Variants in ADAM9 observed in about 807,000 individuals in gnomAD.
The protein encoded by ADAM9 is disintegrin and metalloproteinase domain-containing protein 9.
ADAM9 carries 54 observed loss-of-function variants against 108.1 expected under a neutral mutation model. The ratio of observed to expected loss-of-function variants is 0.50; its 90% CI spans 0.40 to 0.63. The LOEUF (loss-of-function observed/expected upper bound fraction) is 0.63. ADAM9 is among the 20% of genes least tolerant of loss of function. The pLI, the probability that ADAM9 is intolerant of heterozygous loss-of-function variation, is 0.00. For synonymous variants in ADAM9, 316 were observed against 336.0 expected, an observed-to-expected ratio of 0.94 and a Z score of 0.65; for missense variants, 830 against 997.7, an observed-to-expected ratio of 0.83 and a Z score of 2.26.
rs1041236688 is a variant in ADAM9 at position 39,026,630 on chromosome 8, T to C, written c.997-47T>C. On this transcript the variant is annotated intron_variant, in intron 10 of 21. Transcript: ENST00000487273. ...AAAAATAATCTGAGCAGCAAAACAT[T>C]TTCTTTGCGTTCAGAAACCTAATTA... is the stretch of plus-strand genomic sequence containing the variant. The C allele has an allele frequency of 5.0e-6, 8 of 1,613,310 alleles. No individual in the cohort carries two copies. The East Asian group carries it at 1.8e-4, about 36-fold the overall frequency.
chr8:39,014,873 G>A (rs963240969), intron 4 of ADAM9: 6 of 283,626 alleles, frequency 2.1e-5, no homozygotes, highest in Admixed American at 5.2e-5. Context: ...TGCTGACTTA[G>A]GCCTATCTTC....
chr8:39,075,585 G>A (rs1838829169), intron 15 of ADAM9, among the ~76,000 whole-genome samples: 1 of 152,142 alleles, frequency 6.6e-6, no homozygotes, highest in South Asian at 2.1e-4. Flanking sequence ...TGAGCTGCCT[G>A]TTTACATCTT....
At chr8:39,041,918 T>C in intron 11 of ADAM9, 28 bp from the exon 12 acceptor site, 2 of 1,607,186 alleles carry the variant, frequency 1.2e-6, no homozygotes, top group South Asian at 2.2e-5. Context: ...CACTGTGACA[T>C]AGATCTTTTT....
At chr8:39,029,294 G>A (rs1215531706) in intron 11 of ADAM9, among the ~76,000 whole-genome samples, 1 of 151,774 alleles carries the variant, frequency 6.6e-6, no homozygotes, top group Admixed American at 6.6e-5. Flanking sequence ...ATAACATGAG[G>A]ATACTGATAA....
At chr8:39,046,386 A>G (rs188667300) in intron 12 of ADAM9, among the ~76,000 whole-genome samples, 82 of 152,124 alleles carry the variant, frequency 5.4e-4, no homozygotes, top group Non-Finnish European at 9.6e-4. Context: ...GGGATTTTCT[A>G]TATGTATGAT....
chr8:39,021,406 C>T (rs1450927361), intron 7 of ADAM9, among the ~76,000 whole-genome samples: 6 of 152,120 alleles, frequency 3.9e-5, no homozygotes, highest in Admixed American at 3.9e-4. Flanking sequence ...GCCTCAGTCT[C>T]CTGAGTAGCT....
At chr8:39,046,153 T>G (rs1837766088) in intron 12 of ADAM9, among the ~76,000 whole-genome samples, 1 of 152,212 alleles carries the variant, frequency 6.6e-6, no homozygotes, top group African/African-American at 2.4e-5. Context: ...CTTTTAGCAA[T>G]GTTTTGTAAG....
chr8:39,017,547 G>A (rs1426393404), intron 6 of ADAM9, 133 bp downstream of exon 6: 4 of 848,766 alleles, frequency 4.7e-6, no homozygotes, highest in East Asian at 2.7e-5. Flanking sequence ...GCCAGACATT[G>A]TGATAGGTAC....
At chr8:39,066,326 C>T (rs1264565807) in intron 14 of ADAM9, among the ~76,000 whole-genome samples, 1 of 152,258 alleles carries the variant, frequency 6.6e-6, no homozygotes, top group Non-Finnish European at 1.5e-5. Flanking sequence ...GGAATCGCCA[C>T]ACTGTCTTCC....
At chr8:39,054,063 A>G (rs1289855846) in intron 12 of ADAM9, among the ~76,000 whole-genome samples, 2 of 152,156 alleles carry the variant, frequency 1.3e-5, no homozygotes, top group African/African-American at 4.8e-5. Context: ...CTCTCTGCAC[A>G]CATGCACTGA....
chr8:39,035,758 A>G (rs1452346000), intron 11 of ADAM9, among the ~76,000 whole-genome samples: 1 of 152,186 alleles, frequency 6.6e-6, no homozygotes. Context: ...CAGAGCTTGC[A>G]GTGAGCTGAG....
intron 15 of ADAM9, among the ~76,000 whole-genome samples, chr8:39,076,817 A>G (rs1203535048): frequency 6.6e-6 from 1 of 152,216 alleles, no homozygotes; most frequent in Non-Finnish European, 1.5e-5. Context: ...ATTTTGCATT[A>G]TAGAATCTAA....
At chr8:39,054,278 C>G (rs1044030708) in intron 12 of ADAM9, among the ~76,000 whole-genome samples, 12 of 152,130 alleles carry the variant, frequency 7.9e-5, no homozygotes, top group Non-Finnish European at 1.3e-4. Context: ...TATATGATTT[C>G]TGTCCTTTGA....
chr8:39,017,422 A>T lies in ADAM9; in HGVS notation c.606+8A>T. 1 of 1,612,424 alleles carries T rather than the reference A, an allele frequency of 6.2e-7. No individual in the cohort carries two copies. The highest frequency in any genetic ancestry group is 1.1e-5 in the South Asian group (1 of 90,952). ...ATGACTCAGCTACTTCGAGTAAGGAAATAACATAATTCTTCATGGCTCAGA... is the reference window on the plus strand; with the variant it reads ...ATGACTCAGCTACTTCGAGTAAGGATATAACATAATTCTTCATGGCTCAGA... On this transcript the variant is annotated splice_region_variant and intron_variant, in intron 6 of 21. Transcript: ENST00000487273.
Position 39,083,052 on chromosome 8 carries a change from G to A in ADAM9, c.2047G>A (p.Asp683Asn), listed in dbSNP as rs372132990. The A allele has an allele frequency of 1.9e-6, 3 of 1,613,818 alleles. No homozygotes were observed. Among genetic ancestry groups the A allele is most frequent in the East Asian group, 2.2e-5 (1 of 44,862 alleles). The stretch of plus-strand genomic sequence containing the variant: ...GACTAAAGGATACGGAGGAAGTGTG[G>A]ACAGTGGACCTACATACAATGGCAA... Reference protein sequence around the residue: ...CETKGYGGSVDSGPTYNEMNT... With the variant: ...CETKGYGGSVNSGPTYNEMNT... The change falls in exon 18 of 22, where the codon GAC becomes AAC. Residue 683 changes from aspartate to asparagine, a missense_variant. By Grantham distance (23) the Asp-to-Asn change is conservative (BLOSUM62 1). Transcript: ENST00000487273.
chr8:39,001,827 A>G (rs1836002016), intron 1 of ADAM9, among the ~76,000 whole-genome samples: 1 of 151,878 alleles, frequency 6.6e-6, no homozygotes, highest in Non-Finnish European at 1.5e-5. Flanking sequence ...GCGCCACCAC[A>G]CCTGGCTAAA....
chr8:39,069,908 TATC>T (rs1838622022), intron 14 of ADAM9, among the ~76,000 whole-genome samples: 1 of 150,954 alleles, frequency 6.6e-6, no homozygotes, highest in African/African-American at 2.4e-5. Flanking sequence ...ACAAAAATGG[TATC>T]ATATTGACAT....
intron 16 of ADAM9, 46 bp from the exon 17 acceptor site, chr8:39,082,595 A>G (rs1452698212): frequency 6.7e-7 from 1 of 1,493,464 alleles, no homozygotes. Context: ...CTTTTTAATG[A>G]CTGTGCTCAA....
intron 11 of ADAM9, among the ~76,000 whole-genome samples, chr8:39,035,771 C>T (rs1038336565): frequency 2.6e-5 from 4 of 152,040 alleles, no homozygotes; most frequent in African/African-American, 4.8e-5. Context: ...GAGCTGAGAT[C>T]GTGCCACTGC....
Sources: gnomAD v4.1 joint callset for allele counts (sites outside exome capture counted in the v4.1 genomes callset) on GRCh38, gnomAD v4.1.1 for gene constraint, MANE v1.5 for transcripts, NCBI Gene and HGNC (gene_info 2026-07-23, HGNC 2026-07-21) for gene names.